Variants in ABL1 observed in about 807,000 individuals in gnomAD.
The protein encoded by ABL1 is ABL proto-oncogene 1, non-receptor tyrosine kinase.
ABL1 carries 11 observed loss-of-function variants against 94.7 expected under a neutral mutation model. The observed-to-expected ratio is 0.12, with a 90% CI of 0.07 to 0.19. The LOEUF (loss-of-function observed/expected upper bound fraction) is 0.19, where lower values mean the gene tolerates loss of function less well. Among genes scored for constraint, ABL1 ranks in the 10% least tolerant of loss-of-function variants. The pLI is 1.00. For missense variants in ABL1, 1,082 were observed against 1,489.4 expected (o/e 0.73, Z 4.50); for synonymous variants, 656 against 622.4 (o/e 1.05, Z -0.80).
At chr9:130,876,767 C>T (rs1373336546) in intron 7 of ABL1, among the ~76,000 whole-genome samples, 1 of 114,832 alleles carries the variant, frequency 8.7e-6, no homozygotes, top group Non-Finnish European at 1.7e-5. Flanking sequence ...GAGACAGTCT[C>T]ACTCTGTCGC....
intron 1 of ABL1, among the ~76,000 whole-genome samples, chr9:130,783,943 A>G (rs1829791971): frequency 6.6e-6 from 1 of 152,198 alleles, no homozygotes; most frequent in Admixed American, 6.5e-5. Context: ...GGGATTAGCC[A>G]CAGCACCCAG....
chr9:130,745,423 C>A lies in ABL1; in HGVS notation c.136+30968C>A, dbSNP rs377316040. On this transcript the variant is annotated intron_variant, in intron 1 of 10. Coordinates refer to the ABL1 transcript ENST00000372348. The stretch of plus-strand genomic sequence containing the variant: ...ATTGTCAACTGTGTAGGTGTTCATG[C>A]TGGCCTGCATAATAGAGCGCCTGCT... Among the ~76,000 whole-genome samples the A allele has an allele frequency of 5.9e-5, 9 of 151,848 alleles. No individual in the cohort carries two copies. In the South Asian group the frequency reaches 1.9e-3, roughly 32 times the overall value.
rs756682519 is a variant in ABL1, at chr9:130,835,419, C to G, written c.-28C>G. On this transcript the variant is annotated 5_prime_UTR_variant, in exon 1 of 11. Transcript: ENST00000318560. This position sits in a 1 kb window ranked among gnomAD's most constrained non-coding sequence, Gnocchi z 4.6. ...CGCGGACCGAGCTGGGAGAGGGGTT[C>G]CGGCCCCCGACGTGCTGGCGCGGGA... 8 of 1,343,026 alleles carry G rather than the reference C, an allele frequency of 6.0e-6. No individual in the cohort carries two copies. The African/African-American group carries it at 1.3e-4, about 22-fold the overall frequency. 83.2% of individuals were successfully genotyped at this position (1,343,026 alleles called of 1,614,324 possible).
chr9:130,830,908 C>T (rs981215425), upstream of ABL1, among the ~76,000 whole-genome samples: 1 of 152,120 alleles, frequency 6.6e-6, no homozygotes, highest in Non-Finnish European at 1.5e-5. Context: ...ACACATAACT[C>T]GTGACCAGCA....
chr9:130,744,724 G>A (rs1481208100), intron 1 of ABL1, among the ~76,000 whole-genome samples: 1 of 151,156 alleles, frequency 6.6e-6, no homozygotes, highest in South Asian at 2.1e-4. Flanking sequence ...GAGCGTAGTG[G>A]TGGGCGCCTG....
intron 1 of ABL1, among the ~76,000 whole-genome samples, chr9:130,729,865 A>G (rs1025230425): frequency 4.7e-5 from 7 of 149,726 alleles, no homozygotes; most frequent in Admixed American, 6.7e-5. Flanking sequence ...CCTCCTGTGT[A>G]GCTGGGACTA....
chr9:130,781,392 T>C (rs1829753765), intron 1 of ABL1, among the ~76,000 whole-genome samples: 1 of 152,172 alleles, frequency 6.6e-6, no homozygotes. Context: ...ACACGCACTC[T>C]TAGCTGCTTT....
intron 1 of ABL1, among the ~76,000 whole-genome samples, chr9:130,788,464 A>G (rs1829861352): frequency 6.6e-6 from 1 of 152,222 alleles, no homozygotes; most frequent in South Asian, 2.1e-4. Flanking sequence ...TTATGTAACT[A>G]TAGTATAATT....
In ABL1 at chr9:130,877,205, A is replaced by G. The variant is rs1831360975; in HGVS notation, c.1271-1210A>G. 2.0e-5 allele frequency among the ~76,000 whole-genome samples: 3 copies of G among 148,186 alleles called. No individual in the cohort carries two copies. In the South Asian group the frequency reaches 6.3e-4, roughly 31 times the overall value. On this transcript the variant is annotated intron_variant, in intron 7 of 10. Transcript: ENST00000318560. Reference sequence around the variant, plus strand: ...CTAGTCATTTTGACATTAACTTTGTAGTTTTCCATGACGTCCGCGCCCTCA... The same window carrying G: ...CTAGTCATTTTGACATTAACTTTGTGGTTTTCCATGACGTCCGCGCCCTCA...
At chr9:130,768,669 T>C (rs1832214351) in intron 1 of ABL1, among the ~76,000 whole-genome samples, 1 of 152,210 alleles carries the variant, frequency 6.6e-6, no homozygotes, top group Non-Finnish European at 1.5e-5. Context: ...GAATAGTCTT[T>C]GTTGAAGGAA....
chr9:130,748,773 C>T (rs759077793), intron 1 of ABL1, among the ~76,000 whole-genome samples: 12 of 152,014 alleles, frequency 7.9e-5, no homozygotes, highest in Admixed American at 2.0e-4. Flanking sequence ...GACGGGGTTT[C>T]GCCATGTTGG....
chr9:130,873,089 G>T (rs771276879), intron 6 of ABL1, 52 bp downstream of exon 6: 1 of 1,564,086 alleles, frequency 6.4e-7, no homozygotes, highest in Non-Finnish European at 8.7e-7. Flanking sequence ...GCGTGGAGCC[G>T]GGCAGCCTTT....
At chr9:130,883,907 G>T in intron 10 of ABL1, 62 bp from the exon 11 acceptor site, 1 of 1,531,652 alleles carries the variant, frequency 6.5e-7, no homozygotes, top group South Asian at 1.3e-5. Context: ...GGGTTCAAGC[G>T]ATTCTCCTCT....
intron 1 of ABL1, among the ~76,000 whole-genome samples, chr9:130,850,975 G>T (rs1269366081): frequency 6.6e-6 from 1 of 152,082 alleles, no homozygotes; most frequent in Non-Finnish European, 1.5e-5. Flanking sequence ...CCAGGCTGGA[G>T]TATAGTGGCG....
At chr9:130,768,929 G>T (rs1588231958) in intron 1 of ABL1, among the ~76,000 whole-genome samples, 1 of 152,166 alleles carries the variant, frequency 6.6e-6, no homozygotes, top group Non-Finnish European at 1.5e-5. Flanking sequence ...CAATGGAAAA[G>T]CAAGGGTAAT....
At chr9:130,808,196 A>G (rs769071352) in intron 1 of ABL1, among the ~76,000 whole-genome samples, 3 of 150,350 alleles carry the variant, frequency 2.0e-5, no homozygotes, top group African/African-American at 4.9e-5. Flanking sequence ...TGCTGTGACA[A>G]CCTTTATCCT....
At chr9:130,731,690 G>A (rs1346231568) in intron 1 of ABL1, among the ~76,000 whole-genome samples, 1 of 152,152 alleles carries the variant, frequency 6.6e-6, no homozygotes, top group African/African-American at 2.4e-5. Flanking sequence ...ATGCCTGGTA[G>A]AATAAGGCCT....
At chr9:130,715,965 C>G (rs1330453255) in intron 1 of ABL1, among the ~76,000 whole-genome samples, 3 of 150,596 alleles carry the variant, frequency 2.0e-5, no homozygotes, top group African/African-American at 7.3e-5. Context: ...CCTAACTATA[C>G]TTGTAGTCAT....
intron 1 of ABL1, among the ~76,000 whole-genome samples, chr9:130,841,225 G>A (rs1349438436): frequency 6.6e-6 from 1 of 151,538 alleles, no homozygotes; most frequent in Non-Finnish European, 1.5e-5. Context: ...TCAGCTCACT[G>A]CAAGCTCCGC....
Sources: gnomAD v4.1 joint callset for allele counts (sites outside exome capture counted in the v4.1 genomes callset) on GRCh38, gnomAD v4.1.1 for gene constraint, Gnocchi (gnomAD v3.1) non-coding constraint, MANE v1.5 for transcripts, NCBI Gene and HGNC (gene_info 2026-07-23, HGNC 2026-07-21) for gene names.